Variants in ATP5MC2 observed in about 807,000 individuals in gnomAD.
The protein encoded by ATP5MC2 is ATP synthase membrane subunit c locus 2, also known as ATP synthase F(0) complex subunit C2, mitochondrial.
In ATP5MC2, 11 loss-of-function variants were observed where a neutral mutation model predicts 13.5. That is an observed-to-expected ratio of 0.81 (90% CI 0.51 to 1.35). The LOEUF (loss-of-function observed/expected upper bound fraction) is 1.35. Among genes scored for constraint, ATP5MC2 ranks in the 40% most tolerant of loss-of-function variants. The probability of loss-of-function intolerance (pLI) is 0.00; values close to 1 mark genes in which losing one functional copy is unlikely to be tolerated. For missense variants in ATP5MC2, 132 were observed against 175.0 expected (o/e 0.75, Z 1.39); for synonymous variants, 64 against 69.7 (o/e 0.92, Z 0.41).
Position 53,672,584 on chromosome 12 carries a change from G to A in ATP5MC2, c.31C>T (p.Pro11Ser), listed in dbSNP as rs1056463648. Residue 11 changes from proline (P) to serine (S), a missense_variant, in exon 2 of 5, where the codon CCC (proline) becomes TCC (serine). Transcript: ENST00000394349. ...GAAAAGCAGGTACTCACCAAGGAGGGAGTGGAGACAAACTTGGAGCAGGCG... is the reference window on the plus strand; with the variant it reads ...GAAAAGCAGGTACTCACCAAGGAGGAAGTGGAGACAAACTTGGAGCAGGCG... MFACSKFVST[P>S]SLVKSTSQLL... The A allele has an allele frequency of 2.5e-6, 4 of 1,579,742 alleles. No individual in the cohort carries two copies. Among genetic ancestry groups the A allele is most frequent in the Admixed American group, 1.9e-5 (1 of 53,844 alleles).
upstream of ATP5MC2, chr12:53,676,181 C>CG: frequency 6.2e-7 from 1 of 1,613,548 alleles, no homozygotes; most frequent in Non-Finnish European, 8.5e-7. Context: ...CATACAGGAT[C>CG]AGCTCAGGCA....
intron 2 of ATP5MC2, among the ~76,000 whole-genome samples, chr12:53,671,268 T>C (rs1166180912): frequency 6.6e-6 from 1 of 152,246 alleles, no homozygotes; most frequent in African/African-American, 2.4e-5. Flanking sequence ...TAAACCTTTC[T>C]AAGCCTGTAT....
upstream of ATP5MC2, chr12:53,677,290 C>T (rs1373089554): frequency 1.3e-5 from 2 of 152,118 alleles, no homozygotes; most frequent in African/African-American, 4.8e-5. Context: ...TTTACGGTCC[C>T]GGAGGAGAGG....
At chr12:53,679,476 T>G (rs1432454090), upstream of ATP5MC2, among the ~76,000 whole-genome samples, 3 of 152,254 alleles carry the variant, frequency 2.0e-5, no homozygotes, top group Non-Finnish European at 4.4e-5. Flanking sequence ...GTCCTAGCCC[T>G]GCTACTAAAT....
chr12:53,669,778 G>T, intron 3 of ATP5MC2, 93 bp downstream of exon 3: 1 of 1,342,692 alleles, frequency 7.4e-7, no homozygotes, highest in Non-Finnish European at 1.1e-6. Flanking sequence ...AGCCTGTGAT[G>T]ACTGTCCTCA....
chr12:53,667,956 C>CATATAT (rs772110168), intron 4 of ATP5MC2, among the ~76,000 whole-genome samples: 1,591 of 66,518 alleles, frequency 0.024, 88 homozygotes, highest in Non-Finnish European at 0.037. Flanking sequence ...CATACACACA[C>CATATAT]ATATATATAT....
chr12:53,665,867 G>A (rs1383296038), intron 4 of ATP5MC2, among the ~76,000 whole-genome samples: 1 of 152,218 alleles, frequency 6.6e-6, no homozygotes, highest in Non-Finnish European at 1.5e-5. Context: ...TAACGGCTTG[G>A]TCTCCCCTTT....
rs912311418 is a variant in ATP5MC2, at chr12:53,669,143, C to T, written c.311+5G>A. 8 of 1,601,428 alleles carry T rather than the reference C, an allele frequency of 5.0e-6. No individual in the cohort carries two copies. Among genetic ancestry groups the T allele is most frequent in the Middle Eastern group, 1.7e-4 (1 of 5,992 alleles). On this transcript the variant is annotated splice_donor_5th_base_variant and intron_variant, in intron 4 of 4. Coordinates refer to ENST00000394349, the MANE Select transcript of ATP5MC2 (RefSeq NM_005176.7). ...ATAACCAGTGGAGGGTCCAACTTAT[C>T]TTACCTGGCATAACCAATGATGAGG...
chr12:53,676,458 C>T, upstream of ATP5MC2: 1 of 427,722 alleles, frequency 2.3e-6, no homozygotes, highest in Non-Finnish European at 4.2e-6. Context: ...GATTGGGGTT[C>T]AGTGCCTAAA....
Position 53,669,961 on chromosome 12 carries a change from A to T in ATP5MC2, c.40-13T>A, listed in dbSNP as rs1593049485. 2 of 1,613,718 alleles carry T rather than the reference A, an allele frequency of 1.2e-6. No individual in the cohort carries two copies. The highest frequency in any genetic ancestry group is 1.7e-6 in the Non-Finnish European group (2 of 1,179,684). The stretch of plus-strand genomic sequence containing the variant: ...AGGTGCTCTTGACCTAGCAGGAATG[A>T]CATACAGGGGCAGGAAGGTCAAGGA... On this transcript the variant is annotated splice_polypyrimidine_tract_variant and intron_variant, in intron 2 of 4. Coordinates refer to ENST00000394349, the MANE Select transcript of ATP5MC2 (RefSeq NM_005176.7).
intron 4 of ATP5MC2, among the ~76,000 whole-genome samples, chr12:53,666,580 A>G (rs1226224629): frequency 2.0e-5 from 3 of 150,558 alleles, no homozygotes; most frequent in Non-Finnish European, 4.4e-5. Context: ...TCTGTCTCAA[A>G]AAAAAAAAAG....
chr12:53,675,940 C>CGA lies in ATP5MC2; in HGVS notation c.-32+111_-32+112dup, dbSNP rs546243707. On this transcript the variant is annotated intron_variant, in intron 1 of 4. Coordinates refer to ENST00000394349, the MANE Select transcript of ATP5MC2 (RefSeq NM_005176.7). ...AAGGGATAGCGGAAGCAAGAAAGGG[C>CGA]GAGAGGACCAGGGTGGGAGCACGCA... 286 of 1,434,410 alleles carry CGA rather than the reference C, an allele frequency of 2.0e-4. No homozygotes were observed. In the African/African-American group the frequency reaches 3.7e-3, roughly 18 times the overall value. 88.9% of individuals were successfully genotyped at this position (1,434,410 alleles called of 1,614,324 possible).
At chr12:53,673,350 A>AC (rs71068164) in intron 1 of ATP5MC2, 8,950 of 151,280 alleles carry the variant, frequency 0.059, 420 homozygotes, top group East Asian at 0.18. Context: ...AAACAAACAA[A>AC]AAGTTGCCCT....
intron 4 of ATP5MC2, 101 bp from the exon 5 acceptor site, chr12:53,665,529 T>C: frequency 1.0e-6 from 1 of 982,548 alleles, no homozygotes; most frequent in Non-Finnish European, 1.6e-6. Context: ...TTCAAGATTA[T>C]CTCACATAAT....
chr12:53,676,069 G>A lies in ATP5MC2; in HGVS notation c.-48C>T. ...AGGCCTTACCTGCTCCCACTGCAGA[G>A]AAGACAGAGAGGGGCGGAGCAGCGG... On this transcript the variant is annotated 5_prime_UTR_variant, in exon 1 of 5. Transcript: ENST00000394349. 1 of 1,614,172 alleles carries A rather than the reference G, an allele frequency of 6.2e-7. No homozygotes were observed. Among genetic ancestry groups the A allele is most frequent in the South Asian group, 1.1e-5 (1 of 91,082 alleles).
chr12:53,676,348 G>T, upstream of ATP5MC2: 2 of 1,129,974 alleles, frequency 1.8e-6, no homozygotes, highest in Non-Finnish European at 2.5e-6. Context: ...TCTGTACCGC[G>T]TTTGGGATCT....
intron 4 of ATP5MC2, among the ~76,000 whole-genome samples, chr12:53,666,959 A>AAG (rs1390519948): frequency 7.3e-5 from 11 of 150,890 alleles, no homozygotes; most frequent in Non-Finnish European, 1.5e-4. Flanking sequence ...AAAAAAAAAA[A>AAG]AAGAAGTTAC....
chr12:53,676,089 C>A (rs746401143), upstream of ATP5MC2: 1 of 1,614,138 alleles, frequency 6.2e-7, no homozygotes, highest in African/African-American at 1.3e-5. Flanking sequence ...AGGGGCGGAG[C>A]AGCGGGAAGA....
chr12:53,672,677 C>A, intron 1 of ATP5MC2, 32 bp from the exon 2 acceptor site: 1 of 1,547,780 alleles, frequency 6.5e-7, no homozygotes, highest in South Asian at 1.2e-5. Context: ...TGTAAACGCT[C>A]CTTATTCACT....
Sources: gnomAD v4.1 joint callset for allele counts (sites outside exome capture counted in the v4.1 genomes callset) on GRCh38, gnomAD v4.1.1 for gene constraint, MANE v1.5 for transcripts, NCBI Gene and HGNC (gene_info 2026-07-23, HGNC 2026-07-21) for gene names.